SULF1: variants seen among roughly 807,000 people sequenced by gnomAD.
The protein encoded by SULF1 is sulfatase 1.
A neutral mutation model predicts 110.5 loss-of-function variants in SULF1; 46 were observed. The observed-to-expected ratio is 0.42, with a 90% confidence interval of 0.33 to 0.53. SULF1 has a LOEUF of 0.53. Among genes scored for constraint, SULF1 ranks in the 20% least tolerant of loss-of-function variants. The pLI is 0.12. For synonymous variants in SULF1, 371 were observed against 387.1 expected, an observed-to-expected ratio of 0.96 and a Z score of 0.49; for missense variants, 941 against 1,094.2, an observed-to-expected ratio of 0.86 and a Z score of 1.98.
Position 69,582,077 on chromosome 8 carries a change from G to A in SULF1, c.413-4280G>A, listed in dbSNP as rs550409978. Among the ~76,000 whole-genome samples, 20 of 152,270 alleles carry A rather than the reference G, an allele frequency of 1.3e-4. No individual in the cohort carries two copies. In the East Asian group the frequency reaches 3.5e-3, roughly 26 times the overall value. ...AGTCAAAGGGGAATGCCATGGCAATGGGTAGAAAACAGTACAAAATATCCT... is the reference window on the plus strand; with the variant it reads ...AGTCAAAGGGGAATGCCATGGCAATAGGTAGAAAACAGTACAAAATATCCT... On this transcript the variant is annotated intron_variant, in intron 6 of 22. Coordinates refer to ENST00000402687, the MANE Select transcript of SULF1 (RefSeq NM_001128205.2).
intron 8 of SULF1, 77 bp downstream of exon 8, chr8:69,589,218 C>T: frequency 2.1e-6 from 3 of 1,411,276 alleles, no homozygotes; most frequent in Non-Finnish European, 2.9e-6. Flanking sequence ...TCTCCTTTAC[C>T]CCGTTTCCTT....
chr8:69,573,385 T>C lies in SULF1; in HGVS notation c.173-2585T>C, dbSNP rs112741431. ...GTTTTAGCCCCTGTTTTTATATTAT[T>C]TTGACTTTAAATCAGATTTCTACCT... On this transcript the variant is annotated intron_variant, in intron 5 of 22. Transcript: ENST00000402687. Among the ~76,000 whole-genome samples the C allele has an allele frequency of 4.9e-3, 743 of 152,284 alleles. 5 individuals are homozygous for C. Among genetic ancestry groups the C allele is most frequent in the African/African-American group, 0.017 (703 of 41,560 alleles).
chr8:69,603,446 G>A, intron 11 of SULF1, 126 bp downstream of exon 11: 3 of 1,504,054 alleles, frequency 2.0e-6, no homozygotes, highest in South Asian at 1.2e-5. Context: ...ACCCCAAGCT[G>A]AGCATTTCTC....
At chr8:69,636,869 G>A (rs1004941851) in intron 19 of SULF1, among the ~76,000 whole-genome samples, 2 of 152,124 alleles carry the variant, frequency 1.3e-5, no homozygotes, top group African/African-American at 2.4e-5. Flanking sequence ...CAGATGTACT[G>A]GTTTGGCCAG....
At chr8:69,621,003 T>A (rs766377795) in intron 13 of SULF1, 32 bp from the exon 14 acceptor site, 1 of 1,558,896 alleles carries the variant, frequency 6.4e-7, no homozygotes. Context: ...TGGAGCAGAA[T>A]CGGTAAACTG....
chr8:69,580,475 T>C (rs1187597246), intron 6 of SULF1, among the ~76,000 whole-genome samples: 1 of 152,194 alleles, frequency 6.6e-6, no homozygotes, highest in African/African-American at 2.4e-5. Context: ...AATCACATTC[T>C]ACCTTGATTT....
At position 69,658,473 on chromosome 8, in the gene SULF1, C is replaced by A; in HGVS notation, c.2586-32C>A. On this transcript the variant is annotated intron_variant, in intron 22 of 22. Coordinates refer to ENST00000402687, the MANE Select transcript of SULF1 (RefSeq NM_001128205.2). ...AGGTAAGTAGAAAGCCTTTTCTCCA[C>A]TAATGATTCACCTTCTTCTCTCTTT... The A allele has an allele frequency of 2.0e-6, 3 of 1,530,836 alleles. No homozygotes were observed. The South Asian group carries it at 3.8e-5, about 20-fold the overall frequency. 94.8% of individuals were successfully genotyped at this position (1,530,836 alleles called of 1,614,324 possible).
intron 6 of SULF1, among the ~76,000 whole-genome samples, chr8:69,578,557 C>A (rs528522673): frequency 7.2e-6 from 1 of 139,720 alleles, no homozygotes. Context: ...GGCACCGGGA[C>A]CTTAGTCTTC....
intron 3 of SULF1, among the ~76,000 whole-genome samples, chr8:69,561,831 T>G (rs1815505167): frequency 6.6e-6 from 1 of 152,256 alleles, no homozygotes. Flanking sequence ...AGCCATTGTT[T>G]ATCATTTTAT....
intron 3 of SULF1, among the ~76,000 whole-genome samples, chr8:69,520,434 C>T (rs980553038): frequency 1.3e-5 from 2 of 151,948 alleles, no homozygotes; most frequent in Non-Finnish European, 2.9e-5. Flanking sequence ...ACACAACCTA[C>T]CAGGTAGAAA....
intron 3 of SULF1, among the ~76,000 whole-genome samples, chr8:69,557,940 T>C (rs1341143783): frequency 6.6e-6 from 1 of 152,216 alleles, no homozygotes; most frequent in Admixed American, 6.5e-5. Flanking sequence ...AAAGTGTTAC[T>C]ACACCAGGAG....
At chr8:69,536,273 G>C (rs1229054961) in intron 3 of SULF1, among the ~76,000 whole-genome samples, 2 of 152,170 alleles carry the variant, frequency 1.3e-5, no homozygotes, top group Non-Finnish European at 2.9e-5. Flanking sequence ...TCACCTGGCA[G>C]CTCCTAAGAA....
intron 3 of SULF1, among the ~76,000 whole-genome samples, chr8:69,532,980 T>A (rs1052695132): frequency 5.3e-5 from 8 of 152,232 alleles, no homozygotes; most frequent in African/African-American, 1.4e-4. Context: ...ACAAATTGAC[T>A]AATCTGGATG....
chr8:69,658,425 A>C (rs1346349444), intron 22 of SULF1, 80 bp from the exon 23 acceptor site: 13 of 1,038,208 alleles, frequency 1.3e-5, no homozygotes, highest in Non-Finnish European at 1.9e-5. Flanking sequence ...TAACTCTGTA[A>C]AAACAATGTA....
chr8:69,644,406 A>G (rs866200491), intron 22 of SULF1, among the ~76,000 whole-genome samples: 4 of 152,300 alleles, frequency 2.6e-5, no homozygotes, highest in Middle Eastern at 3.4e-3. Context: ...TGGGAAAGGG[A>G]ATTTCAGTGA....
At chr8:69,498,089 C>T (rs935846676) in intron 2 of SULF1, among the ~76,000 whole-genome samples, 1 of 145,762 alleles carries the variant, frequency 6.9e-6, no homozygotes, top group South Asian at 2.2e-4. Flanking sequence ...CATGAGTGCT[C>T]TCTCTCTCTG....
intron 3 of SULF1, among the ~76,000 whole-genome samples, chr8:69,541,999 G>T (rs965049104): frequency 2.6e-5 from 4 of 152,130 alleles, no homozygotes; most frequent in African/African-American, 9.7e-5. Flanking sequence ...ATATGAGGAA[G>T]GTGTGTCCTT....
At chr8:69,541,831 T>C (rs548695941) in intron 3 of SULF1, among the ~76,000 whole-genome samples, 1 of 152,304 alleles carries the variant, frequency 6.6e-6, no homozygotes, top group South Asian at 2.1e-4. Flanking sequence ...AAAACTTAAC[T>C]TCTTAATTAA....
At chr8:69,502,220 G>C (rs1436368902) in intron 3 of SULF1, among the ~76,000 whole-genome samples, 1 of 152,130 alleles carries the variant, frequency 6.6e-6, no homozygotes, top group Non-Finnish European at 1.5e-5. Context: ...TGAAAAATGG[G>C]AATCTAAACA....
Sources: gnomAD v4.1 joint callset for allele counts (sites outside exome capture counted in the v4.1 genomes callset) on GRCh38, gnomAD v4.1.1 for gene constraint, MANE v1.5 for transcripts, NCBI Gene and HGNC (gene_info 2026-07-23, HGNC 2026-07-21) for gene names.